EPB41L2: variants seen among roughly 807,000 people sequenced by gnomAD.
The protein encoded by EPB41L2 is band 4.1-like protein 2.
In EPB41L2, 43 loss-of-function variants were observed where a neutral mutation model predicts 113.0. The ratio of observed to expected loss-of-function variants is 0.38; its 90% CI spans 0.30 to 0.49. The LOEUF (loss-of-function observed/expected upper bound fraction) is 0.49, where lower values mean the gene tolerates loss of function less well. Ranked by LOEUF, EPB41L2 falls within the 20% of genes least tolerant of loss-of-function variation. EPB41L2 has a pLI of 0.95. For synonymous variants in EPB41L2, 442 were observed against 436.7 expected (o/e 1.01, Z -0.15); for missense variants, 1,147 against 1,223.4 (o/e 0.94, Z 0.93).
At chr6:130,864,514 G>A (rs970462666) in intron 17 of EPB41L2, among the ~76,000 whole-genome samples, 11 of 152,184 alleles carry the variant, frequency 7.2e-5, no homozygotes, top group Non-Finnish European at 1.3e-4. Flanking sequence ...TACAAGCTGC[G>A]AGTGCCTGGG....
At chr6:130,937,833 A>AAAAAAAAAAAAAAAAAG (rs552248781) in intron 3 of EPB41L2, among the ~76,000 whole-genome samples, 2 of 150,378 alleles carry the variant, frequency 1.3e-5, no homozygotes, top group African/African-American at 5.0e-5. Flanking sequence ...AAAAAAAAAA[A>AAAAAAAAAAAAAAAAAG]AAGATTAACA....
chr6:130,918,417 G>GA, intron 4 of EPB41L2, among the ~76,000 whole-genome samples: 1 of 152,136 alleles, frequency 6.6e-6, no homozygotes, highest in Non-Finnish European at 1.5e-5. Flanking sequence ...TCCCTTTAAA[G>GA]AGAGTCCAAA....
chr6:131,023,560 C>T (rs1168069661), intron 1 of EPB41L2, among the ~76,000 whole-genome samples: 1 of 151,958 alleles, frequency 6.6e-6, no homozygotes, highest in East Asian at 1.9e-4. Context: ...GTGCACACAC[C>T]TGTAATCCCA....
In EPB41L2 at chr6:130,904,544, T is replaced by C. The variant is rs1214258695; in HGVS notation, c.854-4A>G. The C allele has an allele frequency of 6.3e-7, 1 of 1,584,610 alleles. No homozygotes were observed. The highest frequency in any genetic ancestry group is 1.3e-5 in the African/African-American group (1 of 74,368). The stretch of plus-strand genomic sequence containing the variant: ...AAAGTGAATAGCCATGGAAGGTCTG[T>C]AATTATTAAATATCACAGTTATGCA... On this transcript the variant is annotated splice_polypyrimidine_tract_variant and splice_region_variant and intron_variant, in intron 5 of 19. Transcript: ENST00000337057.
At chr6:130,903,676 T>TAA (rs66501536) in intron 6 of EPB41L2, among the ~76,000 whole-genome samples, 10 of 149,534 alleles carry the variant, frequency 6.7e-5, no homozygotes, top group Non-Finnish European at 7.4e-5. Context: ...AATCATCCTT[T>TAA]AAAAAAAAAA....
rs551699423 is a variant in EPB41L2 at position 130,950,190 on chromosome 6, T to C, written c.705+4915A>G. On this transcript the variant is annotated intron_variant, in intron 3 of 19. Transcript: ENST00000337057. Reference sequence around the variant, plus strand: ...GCTATGAAAGCAATGTTTTAAGTGTTAAGAAATTAGAAAAAGCACAGTTAT... The same window carrying C: ...GCTATGAAAGCAATGTTTTAAGTGTCAAGAAATTAGAAAAAGCACAGTTAT... Among the ~76,000 whole-genome samples the C allele has an allele frequency of 8.5e-5, 13 of 152,182 alleles. No individual in the cohort carries two copies. The South Asian group carries it at 2.7e-3, about 32-fold the overall frequency.
At chr6:131,048,961 C>T (rs1404167458) in intron 1 of EPB41L2, among the ~76,000 whole-genome samples, 3 of 151,978 alleles carry the variant, frequency 2.0e-5, no homozygotes, top group Non-Finnish European at 4.4e-5. Flanking sequence ...GTGTTCTACA[C>T]AGAGCAAGTA....
intron 1 of EPB41L2, among the ~76,000 whole-genome samples, chr6:130,998,801 A>C (rs1480295830): frequency 6.6e-6 from 1 of 152,138 alleles, no homozygotes; most frequent in African/African-American, 2.4e-5. Context: ...ATCCCAGGAC[A>C]CTGCTACCCA....
intron 1 of EPB41L2, among the ~76,000 whole-genome samples, chr6:131,054,022 T>C (rs538649587): frequency 6.6e-6 from 1 of 152,328 alleles, no homozygotes; most frequent in East Asian, 1.9e-4. Flanking sequence ...TGTGGTTTTC[T>C]TGATCTATCC....
In EPB41L2 at chr6:130,894,222, G is replaced by A. The variant is rs188960398; in HGVS notation, c.1487+122C>T. ...AAAAAGAGAGATGGAGTCTCAGTAT[G>A]TTCCCCAGGCTGGTCTCAAACTCCT... On this transcript the variant is annotated intron_variant, in intron 10 of 19. Coordinates refer to ENST00000337057, the MANE Select transcript of EPB41L2 (RefSeq NM_001431.4). 2,689 of 716,204 alleles carry A rather than the reference G, an allele frequency of 3.8e-3. 17 individuals are homozygous for A. Among genetic ancestry groups the A allele is most frequent in the Non-Finnish European group, 4.1e-3 (1,667 of 405,582 alleles). The allele number at this position is 716,204 out of a possible 1,614,324, so 44.4% of individuals were successfully genotyped here. A position where few individuals can be genotyped will look rare whatever the true frequency, so the allele number is the denominator to read the frequency against.
At chr6:131,027,943 T>C (rs1348300865) in intron 1 of EPB41L2, among the ~76,000 whole-genome samples, 1 of 152,174 alleles carries the variant, frequency 6.6e-6, no homozygotes, top group Non-Finnish European at 1.5e-5. Flanking sequence ...AATATACTTA[T>C]TTGGTGTCTG....
rs568770325 is a variant in EPB41L2 at position 130,993,476 on chromosome 6, C to T, written c.-14-36977G>A. Among the ~76,000 whole-genome samples the T allele has an allele frequency of 5.3e-4, 80 of 152,302 alleles. No homozygotes were observed. The South Asian group carries it at 7.3e-3, about 14-fold the overall frequency. ...TGTAGCAACACACTGTTTTAATGAGCGCCTGGGTGCAGGTGGGCTGAGGCT... is the reference window on the plus strand; with the variant it reads ...TGTAGCAACACACTGTTTTAATGAGTGCCTGGGTGCAGGTGGGCTGAGGCT... On this transcript the variant is annotated intron_variant, in intron 1 of 19. Transcript: ENST00000337057.
At chr6:130,984,166 G>T (rs992172018) in intron 1 of EPB41L2, among the ~76,000 whole-genome samples, 1 of 152,098 alleles carries the variant, frequency 6.6e-6, no homozygotes, top group Non-Finnish European at 1.5e-5. Context: ...TAGAAGGTCC[G>T]CAGGGGCAAT....
chr6:130,865,986 A>G (rs2128440500), intron 16 of EPB41L2, among the ~76,000 whole-genome samples: 1 of 152,342 alleles, frequency 6.6e-6, no homozygotes. Flanking sequence ...CACAGTGACC[A>G]GAAGCGCTGA....
chr6:130,848,790 C>T, intron 19 of EPB41L2, among the ~76,000 whole-genome samples: 1 of 152,154 alleles, frequency 6.6e-6, no homozygotes, highest in East Asian at 1.9e-4. Flanking sequence ...CCTCTGATGC[C>T]ACCCACAAAA....
At chr6:130,980,711 T>A (rs915417055) in intron 1 of EPB41L2, among the ~76,000 whole-genome samples, 2 of 152,098 alleles carry the variant, frequency 1.3e-5, no homozygotes, top group African/African-American at 4.8e-5. Context: ...CAAACTAAAC[T>A]CTGAAACGGG....
Position 130,926,714 on chromosome 6 carries a change from A to C in EPB41L2, c.706-5T>G. 1 of 1,577,866 alleles carries C rather than the reference A, an allele frequency of 6.3e-7. No individual in the cohort carries two copies. Among genetic ancestry groups the C allele is most frequent in the South Asian group, 1.2e-5 (1 of 84,404 alleles). Reference sequence around the variant, plus strand: ...CACTTGTCCCTTGGCATGTTTCTGGAGAAAAAATAATAACTTTACTTTTCA... The same window carrying C: ...CACTTGTCCCTTGGCATGTTTCTGGCGAAAAAATAATAACTTTACTTTTCA... On this transcript the variant is annotated splice_polypyrimidine_tract_variant and splice_region_variant and intron_variant, in intron 3 of 19. Coordinates refer to ENST00000337057, the MANE Select transcript of EPB41L2 (RefSeq NM_001431.4).
chr6:130,866,260 A>T lies in EPB41L2; in HGVS notation c.2731-626T>A, dbSNP rs9402295. On this transcript the variant is annotated intron_variant, in intron 16 of 19. Transcript: ENST00000337057. ...CATACATATGTTAAAATAGATTTTAACTTGTTTGCTTTGATATTGAAAGAT... is the reference window on the plus strand; with the variant it reads ...CATACATATGTTAAAATAGATTTTATCTTGTTTGCTTTGATATTGAAAGAT... 1.1e-3 allele frequency among the ~76,000 whole-genome samples: 172 copies of T among 152,364 alleles called. 4 individuals are homozygous for T. The East Asian group carries it at 0.032, about 28-fold the overall frequency.
At chr6:131,034,381 G>C (rs1180675735) in intron 1 of EPB41L2, among the ~76,000 whole-genome samples, 1 of 152,214 alleles carries the variant, frequency 6.6e-6, no homozygotes, top group Non-Finnish European at 1.5e-5. Flanking sequence ...GCCAAGGCAA[G>C]CACATTGCCT....
Sources: gnomAD v4.1 joint callset for allele counts (sites outside exome capture counted in the v4.1 genomes callset) on GRCh38, gnomAD v4.1.1 for gene constraint, MANE v1.5 for transcripts, NCBI Gene and HGNC (gene_info 2026-07-23, HGNC 2026-07-21) for gene names.